Variants in ADCY2 observed in about 807,000 individuals in gnomAD.
ADCY2 encodes the protein adenylate cyclase 2.
Under a neutral mutation model 125.2 loss-of-function variants are expected in ADCY2, and 31 were observed. That is an observed-to-expected ratio of 0.25 (90% confidence interval 0.19 to 0.33). The LOEUF (loss-of-function observed/expected upper bound fraction) is 0.33. Among genes scored for constraint, ADCY2 ranks in the 10% least tolerant of loss-of-function variants. ADCY2 has a pLI of 1.00. For synonymous variants in ADCY2, 512 were observed against 548.4 expected (o/e 0.93, Z 0.93); for missense variants, 904 against 1,418.2 (o/e 0.64, Z 5.82).
rs1391368969 is a variant in ADCY2, at chr5:7,690,764, AG to A, written c.797del (p.Gly266AlafsTer18). On this transcript the variant is annotated frameshift_variant, in exon 5 of 25. Transcript: ENST00000338316. LOFTEE classifies it high-confidence loss of function. Reference protein sequence around the residue: ...EMKAEIIQRLQGPKAGQMENT... With the variant: ...EMKAEIIQRLXGPKAGQMENT... ...AAAGCGGAGATCATCCAGAGGCTGCAGGGCCCCAAGGCGGGCCAGATGGAGA... is the reference window on the plus strand; with the variant it reads ...AAAGCGGAGATCATCCAGAGGCTGCAGGCCCCAAGGCGGGCCAGATGGAGA... 1 of 1,610,670 alleles carries A rather than the reference AG, an allele frequency of 6.2e-7. No individual in the cohort carries two copies.
At chr5:7,487,140 G>T (rs568750930) in intron 2 of ADCY2, among the ~76,000 whole-genome samples, 6 of 152,344 alleles carry the variant, frequency 3.9e-5, no homozygotes, top group Admixed American at 2.0e-4. Context: ...CTTCAGGAAA[G>T]TATTATGGTC....
chr5:7,465,110 G>C (rs747539682), intron 2 of ADCY2, among the ~76,000 whole-genome samples: 39 of 152,162 alleles, frequency 2.6e-4, no homozygotes, highest in Non-Finnish European at 4.9e-4. Flanking sequence ...CCATGATTCA[G>C]TTATCTCCCA....
chr5:7,551,040 C>CCCTT (rs142758043), intron 3 of ADCY2, among the ~76,000 whole-genome samples: 2,739 of 124,784 alleles, frequency 0.022, 94 homozygotes, highest in African/African-American at 0.077. Flanking sequence ...CTCCCTTCCT[C>CCCTT]CCTTCCTTCC....
At chr5:7,569,328 C>T (rs1366359801) in intron 3 of ADCY2, among the ~76,000 whole-genome samples, 1 of 152,086 alleles carries the variant, frequency 6.6e-6, no homozygotes, top group African/African-American at 2.4e-5. Flanking sequence ...GGTGGGTTGA[C>T]CTGGCTGTTG....
intron 4 of ADCY2, among the ~76,000 whole-genome samples, chr5:7,666,029 A>G (rs375639808): frequency 0.023 from 3,504 of 149,198 alleles, 68 homozygotes; most frequent in African/African-American, 0.052. Context: ...TAGTAGAGAC[A>G]GGGTTTCACC....
At chr5:7,713,178 A>C (rs1741491684) in intron 11 of ADCY2, among the ~76,000 whole-genome samples, 1 of 152,200 alleles carries the variant, frequency 6.6e-6, no homozygotes, top group Non-Finnish European at 1.5e-5. Flanking sequence ...GTGGTAAAAA[A>C]AAAAGTGAAT....
At chr5:7,787,825 A>G (rs1744128246) in intron 19 of ADCY2, among the ~76,000 whole-genome samples, 1 of 152,190 alleles carries the variant, frequency 6.6e-6, no homozygotes, top group Non-Finnish European at 1.5e-5. Flanking sequence ...GTTATGCAAT[A>G]ACAATGGCTC....
intron 3 of ADCY2, among the ~76,000 whole-genome samples, chr5:7,588,901 G>A (rs1736718367): frequency 6.6e-6 from 1 of 152,082 alleles, no homozygotes; most frequent in Non-Finnish European, 1.5e-5. Flanking sequence ...ACGTAAGTAA[G>A]GAAAATATTG....
intron 2 of ADCY2, among the ~76,000 whole-genome samples, chr5:7,418,345 C>G (rs1035248078): frequency 6.6e-6 from 1 of 152,112 alleles, no homozygotes; most frequent in Non-Finnish European, 1.5e-5. Context: ...CTCAACCTGC[C>G]GCCTGGGGAT....
intron 3 of ADCY2, among the ~76,000 whole-genome samples, chr5:7,529,506 T>C (rs1438771672): frequency 6.6e-6 from 1 of 152,194 alleles, no homozygotes; most frequent in Non-Finnish European, 1.5e-5. Context: ...GACTCTGGGC[T>C]AGTTATTTTT....
chr5:7,698,850 G>A (rs1209572762), intron 7 of ADCY2, among the ~76,000 whole-genome samples: 5 of 152,080 alleles, frequency 3.3e-5, no homozygotes, highest in Non-Finnish European at 5.9e-5. Flanking sequence ...ATAAACATAC[G>A]TGTGCATGTG....
Position 7,522,767 on chromosome 5 carries a change from A to T in ADCY2, c.570+1868A>T, listed in dbSNP as rs1188950122. 4 of 72,460 alleles carry T rather than the reference A, an allele frequency of 5.5e-5. 1 individual carries two copies. The highest frequency in any genetic ancestry group is 1.6e-4 in the African/African-American group (4 of 25,596). 4.5% of individuals were successfully genotyped at this position (72,460 alleles called of 1,614,324 possible). A position where few individuals can be genotyped will look rare whatever the true frequency, so the allele number is the denominator to read the frequency against. On this transcript the variant is annotated intron_variant, in intron 3 of 24. Transcript: ENST00000338316. ...AAAAAAAAAAAAAAAAAAAAAAAAA[A>T]AAAAAAAAATTAGCCGGGCGTGGTG...
intron 14 of ADCY2, among the ~76,000 whole-genome samples, chr5:7,728,041 AT>A (rs956479999): frequency 2.0e-4 from 31 of 151,338 alleles, no homozygotes; most frequent in African/African-American, 6.5e-4. Context: ...TTTAAGATAG[AT>A]TTTTTTTTCC....
At chr5:7,435,561 T>C (rs1247144385) in intron 2 of ADCY2, among the ~76,000 whole-genome samples, 3 of 152,352 alleles carry the variant, frequency 2.0e-5, no homozygotes, top group Middle Eastern at 3.4e-3. Context: ...GTTAATTACA[T>C]GAACATACTT....
chr5:7,656,314 G>A (rs1165733824), intron 4 of ADCY2, among the ~76,000 whole-genome samples: 7 of 152,132 alleles, frequency 4.6e-5, no homozygotes, highest in Non-Finnish European at 1.0e-4. Flanking sequence ...TCAGCCTTCC[G>A]AAGTGCTGGG....
intron 21 of ADCY2, 139 bp from the exon 22 acceptor site, chr5:7,804,446 A>C: frequency 2.8e-6 from 2 of 702,242 alleles, no homozygotes; most frequent in African/African-American, 1.8e-5. Context: ...GGAAAAGCCC[A>C]GGGCCCAAGG....
intron 24 of ADCY2, among the ~76,000 whole-genome samples, chr5:7,824,307 C>T (rs528161796): frequency 7.2e-5 from 11 of 152,132 alleles, no homozygotes; most frequent in Non-Finnish European, 1.3e-4. Flanking sequence ...GCATAGTAAC[C>T]GGTGTGCATC....
chr5:7,589,522 A>AAAG lies in ADCY2; in HGVS notation c.571-36644_571-36643insAGA, dbSNP rs776882898. 1.2e-3 allele frequency among the ~76,000 whole-genome samples: 139 copies of AAAG among 116,506 alleles called. 1 individual carries two copies. Among genetic ancestry groups the AAAG allele is most frequent in the Admixed American group, 2.9e-3 (34 of 11,918 alleles). The allele number at this position is 116,506 out of a possible 152,430, so 76.4% of individuals were successfully genotyped here. ...AGAAAGAAAGAAAGAAAAGAAAAGA[A>AAAG]AGAGAAAGAAAGAAAGGAGGGAGGG... On this transcript the variant is annotated intron_variant, in intron 3 of 24. Coordinates refer to ENST00000338316, the MANE Select transcript of ADCY2 (RefSeq NM_020546.3).
intron 4 of ADCY2, among the ~76,000 whole-genome samples, chr5:7,674,046 G>GCTA (rs553834802): frequency 8.0e-4 from 117 of 146,566 alleles, no homozygotes; most frequent in African/African-American, 2.9e-3. Context: ...GCCGCCCGCT[G>GCTA]GCAGGGGCCT....
Sources: gnomAD v4.1 joint callset for allele counts (sites outside exome capture counted in the v4.1 genomes callset) on GRCh38, gnomAD v4.1.1 for gene constraint, MANE v1.5 for transcripts, NCBI Gene and HGNC (gene_info 2026-07-23, HGNC 2026-07-21) for gene names.